GFRA2: variants seen among roughly 807,000 people sequenced by gnomAD.
GFRA2 encodes the protein GDNF family receptor alpha-2.
Under a neutral mutation model 48.3 loss-of-function variants are expected in GFRA2, and 17 were observed. The ratio of observed to expected loss-of-function variants is 0.35; its 90% CI spans 0.24 to 0.53. The LOEUF (loss-of-function observed/expected upper bound fraction) is 0.53. Ranked by LOEUF, GFRA2 falls within the 20% of genes least tolerant of loss-of-function variation. The pLI, the probability that GFRA2 is intolerant of heterozygous loss-of-function variation, is 0.93. For synonymous variants in GFRA2, 305 were observed against 257.2 expected, an observed-to-expected ratio of 1.19 and a Z score of -1.78; for missense variants, 660 against 637.3, an observed-to-expected ratio of 1.04 and a Z score of -0.38.
chr8:21,756,225 G>A (rs1051868289), intron 3 of GFRA2, among the ~76,000 whole-genome samples: 2 of 152,222 alleles, frequency 1.3e-5, no homozygotes, highest in South Asian at 2.1e-4. Context: ...TCCATTTGGA[G>A]CTTGAATAGT....
intron 4 of GFRA2, among the ~76,000 whole-genome samples, chr8:21,749,763 C>T (rs985769012): frequency 4.0e-5 from 6 of 151,500 alleles, no homozygotes; most frequent in African/African-American, 9.7e-5. Flanking sequence ...TGGAGTCGGA[C>T]GGTCCTAGCT....
chr8:21,719,243 G>A (rs1288957253), intron 4 of GFRA2, among the ~76,000 whole-genome samples: 1 of 152,158 alleles, frequency 6.6e-6, no homozygotes, highest in Non-Finnish European at 1.5e-5. Context: ...GGGCCTAGAT[G>A]AGACAGAGGC....
In GFRA2 at chr8:21,750,596, G is replaced by A. The variant is rs1177364631; in HGVS notation, c.786C>T (p.His262=). ...GCTGCCGCGGCACTCACCGACACAG[G>A]TGGTCAGTCCGGCACACGCCACGCA... The part of the protein sequence containing the change: ...LDLRGVCRTD[H]LCRSRLADFH... Residue 262 remains histidine, a synonymous_variant, in exon 4 of 9, where the codon CAC becomes CAT. Transcript: ENST00000524240. This position sits in a 1 kb window ranked among gnomAD's most constrained non-coding sequence, Gnocchi z 5.7. The A allele has an allele frequency of 1.9e-6, 3 of 1,597,834 alleles. No homozygotes were observed. The highest frequency in any genetic ancestry group is 2.3e-5 in the East Asian group (1 of 44,246).
upstream of GFRA2, among the ~76,000 whole-genome samples, chr8:21,791,558 G>A (rs1807574463): frequency 1.3e-5 from 2 of 152,088 alleles, no homozygotes; most frequent in Non-Finnish European, 2.9e-5. Flanking sequence ...CCTGCCTTGT[G>A]CCGGGATCTA....
At chr8:21,803,375 G>A (rs1807805587) in intron 2 of GFRA2, among the ~76,000 whole-genome samples, 1 of 152,190 alleles carries the variant, frequency 6.6e-6, no homozygotes, top group Non-Finnish European at 1.5e-5. Flanking sequence ...AATGTCTGGT[G>A]AGCATCAAGA....
At chr8:21,752,428 C>T (rs985280566) in intron 3 of GFRA2, among the ~76,000 whole-genome samples, 1 of 152,054 alleles carries the variant, frequency 6.6e-6, no homozygotes, top group Non-Finnish European at 1.5e-5. Flanking sequence ...TCCCTCCTGC[C>T]TCCTTCCACT....
At chr8:21,781,796 C>A (rs1414702831) in intron 2 of GFRA2, among the ~76,000 whole-genome samples, 12 of 152,126 alleles carry the variant, frequency 7.9e-5, no homozygotes, top group Admixed American at 7.9e-4. Flanking sequence ...TTACAGTGGC[C>A]CACCTCCTAA....
chr8:21,753,292 G>C (rs1015047607), intron 3 of GFRA2, among the ~76,000 whole-genome samples: 1 of 152,170 alleles, frequency 6.6e-6, no homozygotes, highest in African/African-American at 2.4e-5. Flanking sequence ...ACACACACCA[G>C]ATTTTGAAAA....
intron 1 of GFRA2, among the ~76,000 whole-genome samples, chr8:21,784,040 C>G (rs1007853719): frequency 6.6e-6 from 1 of 152,046 alleles, no homozygotes; most frequent in Non-Finnish European, 1.5e-5. Context: ...CGGACCCCAG[C>G]CTTGCAAATG....
chr8:21,696,178 CCTCCCCTCTCCCTCTCCCTCTGTCCT>C (rs1472744674), intron 7 of GFRA2, among the ~76,000 whole-genome samples: 10 of 128,088 alleles, frequency 7.8e-5, no homozygotes, highest in African/African-American at 2.9e-4. Context: ...CTCTTTCTCC[CCTCCCCTCTCCCTCTCCCTCTGTCCT>C]CTCCCCTCTC....
chr8:21,705,041 T>C lies in GFRA2; in HGVS notation c.989A>G (p.Asn330Ser), dbSNP rs1585231747. 6.2e-7 allele frequency: 1 copy of C among 1,610,952 alleles called. No individual in the cohort carries two copies. The highest frequency in any genetic ancestry group is 8.5e-7 in the Non-Finnish European group (1 of 1,179,152). The change falls in exon 6 of 9, where the codon AAC becomes AGC. Residue 330 changes from asparagine (N) to serine (S), a missense_variant. By Grantham distance (46) the Asn-to-Ser change is conservative. Transcript: ENST00000524240. ...GAACTTCTCACACTCCTCCTCCATG[T>C]TCCCGCTGCCACGACAGCTGCACCA... is the stretch of plus-strand genomic sequence containing the variant. Reference protein sequence around the residue: ...SPWCSCRGSGNMEEECEKFLR... With the variant: ...SPWCSCRGSGSMEEECEKFLR...
chr8:21,794,533 G>C (rs1807635098), intron 2 of GFRA2, among the ~76,000 whole-genome samples: 1 of 152,114 alleles, frequency 6.6e-6, no homozygotes, highest in African/African-American at 2.4e-5. Flanking sequence ...TTACAGGCGT[G>C]AGCCACCACA....
At position 21,706,480 on chromosome 8, in the gene GFRA2, C is replaced by T. The variant is rs145779934; in HGVS notation, c.795-439G>A. The T allele has an allele frequency of 5.4e-4, 246 of 457,570 alleles. 6 individuals are homozygous for T. The East Asian group carries it at 0.013, about 25-fold the overall frequency. 28.3% of individuals were successfully genotyped at this position (457,570 alleles called of 1,614,324 possible). The stretch of plus-strand genomic sequence containing the variant: ...GCACTGCAAAATCCCACCAGCAAAA[C>T]AGGTGACTAGTCCCTTCCCTAGATG... On this transcript the variant is annotated intron_variant, in intron 4 of 8. Coordinates refer to ENST00000524240, the MANE Select transcript of GFRA2 (RefSeq NM_001495.5).
At chr8:21,802,558 T>C (rs1807790438) in intron 2 of GFRA2, among the ~76,000 whole-genome samples, 1 of 152,166 alleles carries the variant, frequency 6.6e-6, no homozygotes, top group South Asian at 2.1e-4. Flanking sequence ...TCTCTCTGTG[T>C]TGCCCAGGAT....
chr8:21,772,288 T>A (rs1265438903), intron 3 of GFRA2, among the ~76,000 whole-genome samples: 13 of 152,152 alleles, frequency 8.5e-5, no homozygotes, highest in Non-Finnish European at 1.8e-4. Flanking sequence ...ATGGCCAGTT[T>A]GGTTTCTTTT....
At chr8:21,708,834 A>G (rs992944304) in intron 4 of GFRA2, among the ~76,000 whole-genome samples, 3 of 152,210 alleles carry the variant, frequency 2.0e-5, no homozygotes, top group Non-Finnish European at 4.4e-5. Context: ...GGCCCTGCCA[A>G]CACCTTGATT....
chr8:21,717,839 G>A (rs1053597071), intron 4 of GFRA2, among the ~76,000 whole-genome samples: 1 of 152,148 alleles, frequency 6.6e-6, no homozygotes, highest in African/African-American at 2.4e-5. Context: ...ACCTCAGGGG[G>A]GCTGCTAGAA....
rs1257719268 is a variant in GFRA2 at position 21,788,530 on chromosome 8, G to T, written c.-371C>A. On this transcript the variant is annotated 5_prime_UTR_variant, in exon 1 of 9. Coordinates refer to ENST00000524240, the MANE Select transcript of GFRA2 (RefSeq NM_001495.5). ...AATTCCCCTGCGCTTCCCAGGAGGG[G>T]CCTGGGGAGGTGGGGAGAGAGGCGA... 8 of 1,032,928 alleles carry T rather than the reference G, an allele frequency of 7.7e-6. No individual in the cohort carries two copies. The highest frequency in any genetic ancestry group is 1.7e-5 in the African/African-American group (1 of 59,130). The allele number at this position is 1,032,928 out of a possible 1,614,324, so 64.0% of individuals were successfully genotyped here.
intron 3 of GFRA2, among the ~76,000 whole-genome samples, chr8:21,772,735 C>G (rs1056331849): frequency 7.2e-5 from 11 of 152,204 alleles, no homozygotes; most frequent in Non-Finnish European, 1.3e-4. Context: ...ATTCGGTGAG[C>G]TGCAGACCTA....
Sources: gnomAD v4.1 joint callset for allele counts (sites outside exome capture counted in the v4.1 genomes callset) on GRCh38, gnomAD v4.1.1 for gene constraint, Gnocchi (gnomAD v3.1) non-coding constraint, MANE v1.5 for transcripts, NCBI Gene and HGNC (gene_info 2026-07-23, HGNC 2026-07-21) for gene names.